The following OLA1 variants were observed in gnomAD, a reference collection of about 807,000 sequenced individuals.
OLA1 encodes Obg like ATPase 1.
OLA1 carries 14 observed loss-of-function variants against 48.4 expected under a neutral mutation model. The ratio of observed to expected loss-of-function variants is 0.29; its 90% CI spans 0.19 to 0.45. OLA1 has a LOEUF of 0.45. Among genes scored for constraint, OLA1 ranks in the 20% least tolerant of loss-of-function variants. The probability of loss-of-function intolerance (pLI) is 1.00; values close to 1 mark genes in which losing one functional copy is unlikely to be tolerated. For missense variants in OLA1, 325 were observed against 467.1 expected, an observed-to-expected ratio of 0.70 and a Z score of 2.80; for synonymous variants, 127 against 150.4, an observed-to-expected ratio of 0.84 and a Z score of 1.14.
At position 174,204,928 on chromosome 2, in the gene OLA1, A is replaced by G. The variant is rs187538116; in HGVS notation, c.373+18105T>C. 3.0e-3 allele frequency among the ~76,000 whole-genome samples: 450 copies of G among 152,312 alleles called. 3 individuals are homozygous for G. The highest frequency in any genetic ancestry group is 0.01 in the African/African-American group (416 of 41,562). ...CATAGGTTCCTAGGAGAATCAAATTATATCACCATAAAGTTTCTGGCCCCC... is the reference window on the plus strand; with the variant it reads ...CATAGGTTCCTAGGAGAATCAAATTGTATCACCATAAAGTTTCTGGCCCCC... On this transcript the variant is annotated intron_variant, in intron 4 of 10. Transcript: ENST00000284719.
At chr2:174,097,007 T>C (rs767404232) in intron 7 of OLA1, among the ~76,000 whole-genome samples, 1 of 151,994 alleles carries the variant, frequency 6.6e-6, no homozygotes, top group Non-Finnish European at 1.5e-5. Context: ...AATACAAAAA[T>C]TGGCCGGGCG....
In OLA1 at chr2:174,141,961, C is replaced by T. The variant is rs1376378675; in HGVS notation, c.413G>A (p.Ser138Asn). 4.3e-6 allele frequency: 7 copies of T among 1,613,258 alleles called. No individual in the cohort carries two copies. Among genetic ancestry groups the T allele is most frequent in the South Asian group, 1.1e-5 (1 of 90,918 alleles). ...EDDDITHVEG[S>N]VDPIRDIEII... ...TTCTATATCTCGAATAGGATCTACA[C>T]TTCCTTCAACGTGCGTGATATCATC... is the stretch of plus-strand genomic sequence containing the variant. The change falls in exon 5 of 11, where the codon AGT (serine) becomes AAT (asparagine). Residue 138 changes from serine (S) to asparagine (N), a missense_variant. Transcript: ENST00000284719.
intron 4 of OLA1, among the ~76,000 whole-genome samples, chr2:174,147,531 C>T (rs138034363): frequency 6.6e-6 from 1 of 152,256 alleles, no homozygotes; most frequent in East Asian, 1.9e-4. Context: ...AAAATAAAAA[C>T]ATAAAAAAAC....
chr2:174,154,052 G>A (rs1477678364), intron 4 of OLA1, among the ~76,000 whole-genome samples: 2 of 152,030 alleles, frequency 1.3e-5, no homozygotes, highest in African/African-American at 4.8e-5. Context: ...TTTGTTTTCA[G>A]TAGACATGAG....
rs964187515 is a variant in OLA1, at chr2:174,118,067, G to A, written c.728+5113C>T. Among the ~76,000 whole-genome samples the A allele has an allele frequency of 7.2e-5, 11 of 152,256 alleles. No individual in the cohort carries two copies. The East Asian group carries it at 1.4e-3, about 19-fold the overall frequency. The stretch of plus-strand genomic sequence containing the variant: ...AGGTAAACAGGAAGCAGGCACAGCC[G>A]GAGAAGGAGGAAGAGAGCAAAGGTG... On this transcript the variant is annotated intron_variant, in intron 7 of 10. Transcript: ENST00000284719.
intron 3 of OLA1, 54 bp from the exon 4 acceptor site, chr2:174,223,214 A>G: frequency 6.7e-7 from 1 of 1,493,642 alleles, no homozygotes; most frequent in Non-Finnish European, 9.3e-7. Flanking sequence ...CTTATCTATC[A>G]ACCAAATGAA....
intron 10 of OLA1, among the ~76,000 whole-genome samples, chr2:174,076,709 T>TA (rs1684745566): frequency 6.6e-6 from 1 of 151,774 alleles, no homozygotes; most frequent in South Asian, 2.1e-4. Context: ...AGCTTATTTC[T>TA]AGAAAGCCAA....
chr2:174,093,242 T>C (rs1685167740), intron 7 of OLA1, among the ~76,000 whole-genome samples: 1 of 152,040 alleles, frequency 6.6e-6, no homozygotes, highest in South Asian at 2.1e-4. Context: ...GGCCCAGGAA[T>C]TCAAGAATAG....
chr2:174,161,459 T>C (rs997256541), intron 4 of OLA1, among the ~76,000 whole-genome samples: 1 of 152,014 alleles, frequency 6.6e-6, no homozygotes, highest in African/African-American at 2.4e-5. Flanking sequence ...GACTAACAGA[T>C]TTGGATAAAG....
intron 4 of OLA1, among the ~76,000 whole-genome samples, chr2:174,209,428 A>AT (rs1004139903): frequency 6.6e-6 from 1 of 151,832 alleles, no homozygotes; most frequent in Non-Finnish European, 1.5e-5. Context: ...ATAATTTCCA[A>AT]TTTTTTTTCT....
chr2:174,104,880 A>C (rs189337990), intron 7 of OLA1, among the ~76,000 whole-genome samples: 3 of 151,984 alleles, frequency 2.0e-5, no homozygotes, highest in Non-Finnish European at 2.9e-5. Context: ...GGTACAATTC[A>C]ATGTAATGAT....
At chr2:174,213,353 G>A (rs1688286948) in intron 4 of OLA1, among the ~76,000 whole-genome samples, 1 of 152,110 alleles carries the variant, frequency 6.6e-6, no homozygotes, top group Non-Finnish European at 1.5e-5. Context: ...CCTGACAGTA[G>A]GTATAGTGAT....
intron 4 of OLA1, among the ~76,000 whole-genome samples, chr2:174,217,172 A>G (rs1038254358): frequency 6.6e-6 from 1 of 152,164 alleles, no homozygotes; most frequent in South Asian, 2.1e-4. Flanking sequence ...AATTGCACCA[A>G]AACCCAAAGT....
At chr2:174,164,978 G>T (rs1482159925) in intron 4 of OLA1, among the ~76,000 whole-genome samples, 1 of 152,174 alleles carries the variant, frequency 6.6e-6, no homozygotes, top group Non-Finnish European at 1.5e-5. Flanking sequence ...ACCATGAGAG[G>T]AATCAGCCAA....
At chr2:174,219,918 G>C (rs1035185912) in intron 4 of OLA1, among the ~76,000 whole-genome samples, 99 of 152,204 alleles carry the variant, frequency 6.5e-4, no homozygotes, top group African/African-American at 2.3e-3. Context: ...TATCACTTGA[G>C]GTGAGGAGTT....
chr2:174,222,472 A>G (rs1688527914), intron 4 of OLA1, among the ~76,000 whole-genome samples: 1 of 151,938 alleles, frequency 6.6e-6, no homozygotes, highest in South Asian at 2.1e-4. Flanking sequence ...TTGTCAGAAA[A>G]TTACTATGTG....
intron 4 of OLA1, among the ~76,000 whole-genome samples, chr2:174,162,807 G>T (rs1467896540): frequency 6.6e-6 from 1 of 152,166 alleles, no homozygotes; most frequent in African/African-American, 2.4e-5. Context: ...CCTTTGGGAG[G>T]CCGAGGCGGG....
At chr2:174,100,833 C>T (rs928426474) in intron 7 of OLA1, among the ~76,000 whole-genome samples, 1 of 152,136 alleles carries the variant, frequency 6.6e-6, no homozygotes, top group East Asian at 1.9e-4. Context: ...TTCCATGAAT[C>T]CTCACCTTCT....
At chr2:174,223,010 A>T in intron 4 of OLA1, 23 bp downstream of exon 4, 2 of 1,587,198 alleles carry the variant, frequency 1.3e-6, no homozygotes, top group Non-Finnish European at 8.6e-7. Context: ...GAAATCAATG[A>T]TTAAATAAAC....
Sources: gnomAD v4.1 joint callset for allele counts (sites outside exome capture counted in the v4.1 genomes callset) on GRCh38, gnomAD v4.1.1 for gene constraint, MANE v1.5 for transcripts, NCBI Gene and HGNC (gene_info 2026-07-23, HGNC 2026-07-21) for gene names.